The following RABGAP1L variants were observed in gnomAD, a reference collection of about 807,000 sequenced individuals.
The protein encoded by RABGAP1L is rab GTPase-activating protein 1-like.
A neutral mutation model predicts 137.7 loss-of-function variants in RABGAP1L; 63 were observed. That is an observed-to-expected ratio of 0.46 (90% CI 0.37 to 0.56). The LOEUF (loss-of-function observed/expected upper bound fraction) is 0.56. RABGAP1L is among the 20% of genes least tolerant of loss of function. The pLI is 0.00. For missense variants in RABGAP1L, 1,095 were observed against 1,244.0 expected (o/e 0.88, Z 1.80); for synonymous variants, 431 against 433.7 (o/e 0.99, Z 0.08).
rs1463913641 is a variant in RABGAP1L, at chr1:174,599,131, T to G, written c.1711-38244T>G. On this transcript the variant is annotated intron_variant, in intron 13 of 25. Coordinates refer to ENST00000681986, the MANE Select transcript of RABGAP1L (RefSeq NM_001366446.1). Reference sequence around the variant, plus strand: ...AGGTATTTCAGGGTTACCACAAGGCTTGCAAATAACATTTTGTAACCAATC... The same window carrying G: ...AGGTATTTCAGGGTTACCACAAGGCGTGCAAATAACATTTTGTAACCAATC... Among the ~76,000 whole-genome samples, 4 of 152,184 alleles carry G rather than the reference T, an allele frequency of 2.6e-5. No individual in the cohort carries two copies. The East Asian group carries it at 7.7e-4, about 29-fold the overall frequency.
chr1:174,643,635 A>G (rs1411027117), intron 14 of RABGAP1L, among the ~76,000 whole-genome samples: 2 of 152,166 alleles, frequency 1.3e-5, no homozygotes, highest in Non-Finnish European at 2.9e-5. Flanking sequence ...TGGTTTTGAA[A>G]GCATTTTTTG....
chr1:174,266,065 A>G (rs1054092456), intron 7 of RABGAP1L, among the ~76,000 whole-genome samples: 9 of 152,160 alleles, frequency 5.9e-5, no homozygotes, highest in Non-Finnish European at 1.3e-4. Flanking sequence ...TATTACTGAT[A>G]TCACTGAAGT....
At position 174,629,269 on chromosome 1, in the gene RABGAP1L, AAC is replaced by A. The variant is rs1037899473; in HGVS notation, c.1711-8102_1711-8101del. ...GGTTGACATTAGCTTTTGCTTCAAA[AAC>A]ACAATTATTTTCTTTTGATTTTCAC... is the stretch of plus-strand genomic sequence containing the variant. On this transcript the variant is annotated intron_variant, in intron 13 of 25. Transcript: ENST00000681986. Among the ~76,000 whole-genome samples the A allele has an allele frequency of 2.5e-4, 38 of 152,198 alleles. 2 individuals are homozygous for A. The highest frequency in any genetic ancestry group is 1.0e-4 in the Non-Finnish European group (7 of 68,024).
At chr1:174,356,891 G>C (rs1278265024) in intron 11 of RABGAP1L, among the ~76,000 whole-genome samples, 3 of 152,078 alleles carry the variant, frequency 2.0e-5, no homozygotes, top group Non-Finnish European at 4.4e-5. Flanking sequence ...ACTATGTTTA[G>C]TACTTCATAT....
chr1:174,170,198 A>G (rs773240414), intron 1 of RABGAP1L, among the ~76,000 whole-genome samples: 4 of 152,180 alleles, frequency 2.6e-5, no homozygotes, highest in African/African-American at 7.2e-5. Flanking sequence ...TTTAGACACA[A>G]CTTCTTTCTC....
chr1:174,221,869 C>A (rs1669781677), intron 3 of RABGAP1L, among the ~76,000 whole-genome samples: 1 of 152,108 alleles, frequency 6.6e-6, no homozygotes, highest in Admixed American at 6.6e-5. Flanking sequence ...AAGAGAAAGT[C>A]TTCATTCTTT....
chr1:174,691,383 GAGA>G (rs1159714797), intron 15 of RABGAP1L, among the ~76,000 whole-genome samples: 2 of 152,182 alleles, frequency 1.3e-5, no homozygotes, highest in African/African-American at 4.8e-5. Flanking sequence ...TTCTTGTGGA[GAGA>G]AGTAGTGAGG....
rs375964479 is a variant in RABGAP1L at position 174,748,335 on chromosome 1, A to G, written c.2170-3978A>G. On this transcript the variant is annotated intron_variant, in intron 17 of 25. Transcript: ENST00000681986. ...TTCAGTCTTCAAATAAGCATTTACT[A>G]TGCACATTATACCAGCACTGTGTGA... Among the ~76,000 whole-genome samples, 50 of 152,336 alleles carry G rather than the reference A, an allele frequency of 3.3e-4. 1 individual carries two copies. The highest frequency in any genetic ancestry group is 1.1e-3 in the African/African-American group (46 of 41,576).
At chr1:174,831,249 T>C (rs1692084329) in intron 19 of RABGAP1L, among the ~76,000 whole-genome samples, 1 of 148,210 alleles carries the variant, frequency 6.7e-6, no homozygotes, top group South Asian at 2.2e-4. Flanking sequence ...CTTGAGAATA[T>C]TGCAATTAAA....
intron 13 of RABGAP1L, among the ~76,000 whole-genome samples, chr1:174,632,392 A>C (rs1673477499): frequency 6.8e-6 from 1 of 147,274 alleles, no homozygotes; most frequent in Non-Finnish European, 1.5e-5. Flanking sequence ...CTTCTCGAGG[A>C]GTATCTTTGT....
At chr1:174,685,550 C>CATTTATTT (rs1345144628) in intron 15 of RABGAP1L, among the ~76,000 whole-genome samples, 2 of 85,448 alleles carry the variant, frequency 2.3e-5, no homozygotes, top group African/African-American at 1.4e-4. Context: ...ACCGCGCCGG[C>CATTTATTT]CTTTATTTAT....
chr1:174,181,095 G>A (rs909383361), intron 1 of RABGAP1L, among the ~76,000 whole-genome samples: 1 of 152,038 alleles, frequency 6.6e-6, no homozygotes, highest in African/African-American at 2.4e-5. Flanking sequence ...GTTCTTTTTT[G>A]CTACAACTAA....
chr1:174,364,281 G>C (rs1684414500), intron 11 of RABGAP1L, among the ~76,000 whole-genome samples: 1 of 79,242 alleles, frequency 1.3e-5, no homozygotes, highest in Admixed American at 1.5e-4. Flanking sequence ...TTGAGACGGA[G>C]TCTCGCTCTG....
chr1:174,600,077 G>A (rs999614356), intron 13 of RABGAP1L, among the ~76,000 whole-genome samples: 8 of 152,150 alleles, frequency 5.3e-5, no homozygotes, highest in African/African-American at 9.7e-5. Flanking sequence ...GGTGGGAGAC[G>A]AAAGGCACTT....
intron 12 of RABGAP1L, among the ~76,000 whole-genome samples, chr1:174,377,437 C>T (rs1041604105): frequency 1.3e-5 from 2 of 152,012 alleles, no homozygotes; most frequent in African/African-American, 4.8e-5. Flanking sequence ...GGCATATTAC[C>T]TGATTTCTAG....
chr1:174,888,099 G>A (rs1243265367), intron 19 of RABGAP1L, among the ~76,000 whole-genome samples: 1 of 152,014 alleles, frequency 6.6e-6, no homozygotes, highest in African/African-American at 2.4e-5. Flanking sequence ...ATGGTAATAA[G>A]TACTTCTTTA....
intron 13 of RABGAP1L, among the ~76,000 whole-genome samples, chr1:174,632,879 T>C (rs913957106): frequency 1.3e-5 from 2 of 151,662 alleles, no homozygotes; most frequent in East Asian, 1.9e-4. Context: ...GTCTGAAGCC[T>C]TCTTCTCTCA....
intron 18 of RABGAP1L, among the ~76,000 whole-genome samples, chr1:174,782,092 A>G (rs1475514311): frequency 2.0e-5 from 3 of 152,122 alleles, no homozygotes; most frequent in Non-Finnish European, 4.4e-5. Context: ...GTTTTTTCCA[A>G]TTCTGTGAAG....
chr1:174,377,280 C>G (rs961621591), intron 12 of RABGAP1L, among the ~76,000 whole-genome samples: 15 of 151,984 alleles, frequency 9.9e-5, no homozygotes, highest in Non-Finnish European at 2.2e-4. Flanking sequence ...CAGTCATTCC[C>G]AAACTAATCT....
Sources: allele counts gnomAD v4.1 joint callset (sites outside exome capture counted in the v4.1 genomes callset), GRCh38; gene constraint gnomAD v4.1.1; transcripts MANE v1.5; gene names NCBI Gene and HGNC (gene_info 2026-07-23, HGNC 2026-07-21).